The following SDK2 variants were observed in gnomAD, a reference collection of about 807,000 sequenced individuals.
SDK2 encodes the protein protein sidekick-2.
A neutral mutation model predicts 253.9 loss-of-function variants in SDK2; 105 were observed. That is an observed-to-expected ratio of 0.41 (90% confidence interval 0.35 to 0.49). SDK2 has a LOEUF of 0.49. Among genes scored for constraint, SDK2 ranks in the 20% least tolerant of loss-of-function variants. The pLI is 0.06. For missense variants in SDK2, 2,608 were observed against 3,003.0 expected, an observed-to-expected ratio of 0.87 and a Z score of 3.07; for synonymous variants, 1,249 against 1,234.9, an observed-to-expected ratio of 1.01 and a Z score of -0.24.
Position 73,393,617 on chromosome 17 carries a change from G to A in SDK2, c.3841C>T (p.Arg1281Cys), listed in dbSNP as rs370092088. 7.2e-5 allele frequency: 115 copies of A among 1,591,482 alleles called. No individual in the cohort carries two copies. Among genetic ancestry groups the A allele is most frequent in the Non-Finnish European group, 9.4e-5 (109 of 1,163,830 alleles). ...TGGCTGGGGCTGCCGTCCCCGATGCGTGTGAAGGCCAGCACCTGGACTTCA... is the reference window on the plus strand; with the variant it reads ...TGGCTGGGGCTGCCGTCCCCGATGCATGTGAAGGCCAGCACCTGGACTTCA... ...LYEVQVLAFT[R>C]IGDGSPSHPP... Residue 1281 changes from arginine to cysteine, a missense_variant, in exon 27 of 45, where the codon CGC becomes TGC. Arg to Cys is a radical substitution (Grantham distance 180, BLOSUM62 -3). This residue lies in a region of SDK2 where 1,505 missense variants were observed against 1,859.1 expected (regional missense o/e 0.81). Coordinates refer to ENST00000392650, the MANE Select transcript of SDK2 (RefSeq NM_001144952.2).
chr17:73,390,832 C>T (rs1332905220), intron 28 of SDK2, among the ~76,000 whole-genome samples: 1 of 152,218 alleles, frequency 6.6e-6, no homozygotes, highest in Non-Finnish European at 1.5e-5. Context: ...ATGCACTTGT[C>T]CTTCCTGCCC....
At position 73,429,630 on chromosome 17, in the gene SDK2, G is replaced by A. The variant is rs559194761; in HGVS notation, c.1583+881C>T. ...CCATTTCTCCCAGTGCAGGAGCGCC[G>A]GCCCCTTCTAGCCTCGGTGCCAGTT... On this transcript the variant is annotated intron_variant, in intron 12 of 44. Transcript: ENST00000392650. Among the ~76,000 whole-genome samples the A allele has an allele frequency of 1.4e-4, 21 of 152,334 alleles. No homozygotes were observed. The South Asian group carries it at 3.9e-3, about 29-fold the overall frequency.
At position 73,385,919 on chromosome 17, in the gene SDK2, T is replaced by C; in HGVS notation, c.4499-2A>G. On this transcript the variant is annotated splice_acceptor_variant, in intron 31 of 44. Coordinates refer to ENST00000392650, the MANE Select transcript of SDK2 (RefSeq NM_001144952.2). LOFTEE classifies it high-confidence loss of function. ...GGATGGTGGGTGCTTCATCGGGGGC[T>C]GTGGAGAGAAGCAGACAGGTGGGTT... is the stretch of plus-strand genomic sequence containing the variant. 1 of 1,599,572 alleles carries C rather than the reference T, an allele frequency of 6.3e-7. No individual in the cohort carries two copies. The highest frequency in any genetic ancestry group is 8.5e-7 in the Non-Finnish European group (1 of 1,173,568).
At position 73,406,400 on chromosome 17, in the gene SDK2, C is replaced by T. The variant is rs147444646; in HGVS notation, c.2485-4259G>A. Reference sequence around the variant, plus strand: ...CTGGGATTATAGGCACCTGCCATCACGCCCAGCTAATTTTTTTTTTTGTAT... The same window carrying T: ...CTGGGATTATAGGCACCTGCCATCATGCCCAGCTAATTTTTTTTTTTGTAT... On this transcript the variant is annotated intron_variant, in intron 18 of 44. Transcript: ENST00000392650. 3.9e-5 allele frequency among the ~76,000 whole-genome samples: 6 copies of T among 152,140 alleles called. No individual in the cohort carries two copies. In the East Asian group the frequency reaches 5.8e-4, roughly 15 times the overall value.
chr17:73,386,956 T>C (rs909341686), intron 30 of SDK2, among the ~76,000 whole-genome samples: 3 of 152,190 alleles, frequency 2.0e-5, no homozygotes, highest in Admixed American at 6.5e-5. Context: ...TTGTTTGAGA[T>C]GGAGTCTTTT....
intron 1 of SDK2, among the ~76,000 whole-genome samples, chr17:73,558,703 A>G (rs1008061362): frequency 5.9e-5 from 9 of 152,052 alleles, no homozygotes; most frequent in Non-Finnish European, 4.4e-5. Context: ...TGCCTTTCCC[A>G]CCTCACATGG....
chr17:73,386,967 T>G (rs1055102686), intron 30 of SDK2, among the ~76,000 whole-genome samples: 5 of 152,138 alleles, frequency 3.3e-5, no homozygotes, highest in South Asian at 4.1e-4. Context: ...GGAGTCTTTT[T>G]TTGTTGTTGT....
chr17:73,604,938 C>A (rs866008949), intron 1 of SDK2, among the ~76,000 whole-genome samples: 1 of 152,062 alleles, frequency 6.6e-6, no homozygotes, highest in Admixed American at 6.6e-5. Context: ...TGGACCACTG[C>A]GGGAGAGGAA....
chr17:73,595,859 G>A (rs2045750659), intron 1 of SDK2, among the ~76,000 whole-genome samples: 1 of 152,196 alleles, frequency 6.6e-6, no homozygotes, highest in Non-Finnish European at 1.5e-5. Flanking sequence ...GAGCTGGGAG[G>A]ACAGGCTCCA....
intron 44 of SDK2, among the ~76,000 whole-genome samples, chr17:73,346,775 G>A (rs1461881601): frequency 4.6e-5 from 7 of 152,096 alleles, no homozygotes; most frequent in African/African-American, 7.2e-5. Flanking sequence ...ACCAGGTGGC[G>A]TATGCAAAAC....
In SDK2 at chr17:73,397,486, C is replaced by A. The variant is rs1162258043; in HGVS notation, c.3354+549G>T. Reference sequence around the variant, plus strand: ...TCTTCTGCCCCGGTTTCCTCATCTGCAAAAGGGGGACCAGGATCACTCTGC... The same window carrying A: ...TCTTCTGCCCCGGTTTCCTCATCTGAAAAAGGGGGACCAGGATCACTCTGC... On this transcript the variant is annotated intron_variant, in intron 24 of 44. Transcript: ENST00000392650. Among the ~76,000 whole-genome samples, 3 of 152,190 alleles carry A rather than the reference C, an allele frequency of 2.0e-5. No homozygotes were observed. The East Asian group carries it at 5.8e-4, about 29-fold the overall frequency.
intron 2 of SDK2, among the ~76,000 whole-genome samples, chr17:73,495,392 A>C (rs2063834710): frequency 6.6e-6 from 1 of 152,212 alleles, no homozygotes; most frequent in African/African-American, 2.4e-5. Flanking sequence ...GTTATAGGCC[A>C]GGGCTGCCTC....
At position 73,358,184 on chromosome 17, in the gene SDK2, C is replaced by T. The variant is rs146597384; in HGVS notation, c.5488G>A (p.Val1830Met). 53 of 1,606,540 alleles carry T rather than the reference C, an allele frequency of 3.3e-5. No individual in the cohort carries two copies. The highest frequency in any genetic ancestry group is 1.7e-4 in the Middle Eastern group (1 of 5,916). The change falls in exon 40 of 45, where the codon GTG becomes ATG. Residue 1830 changes from valine (V) to methionine (M), a missense_variant. Physicochemically the swap from Val to Met is conservative, Grantham distance 21. This residue lies in a region of SDK2 where 1,103 missense variants were observed against 1,143.9 expected (regional missense o/e 0.96). Coordinates refer to ENST00000392650, the MANE Select transcript of SDK2 (RefSeq NM_001144952.2). ...PGEGAPGPPG[V>M]PIIVRYSSAI... Reference sequence around the variant, plus strand: ...GAGCTGTACCGCACGATGATGGGCACGCCAGGCGGTCCTGGGGCACCTGCA... The same window carrying T: ...GAGCTGTACCGCACGATGATGGGCATGCCAGGCGGTCCTGGGGCACCTGCA...
In SDK2 at chr17:73,609,852, C is replaced by G. The variant is rs148341840; in HGVS notation, c.64+34173G>C. 1.9e-4 allele frequency among the ~76,000 whole-genome samples: 29 copies of G among 152,338 alleles called. No homozygotes were observed. In the East Asian group the frequency reaches 4.6e-3, roughly 24 times the overall value. ...CCCCCAGGGCCCAAGGAGACAGAGTCCCTGCTGGCCATGTCCCTCCCATTC... is the reference window on the plus strand; with the variant it reads ...CCCCCAGGGCCCAAGGAGACAGAGTGCCTGCTGGCCATGTCCCTCCCATTC... On this transcript the variant is annotated intron_variant, in intron 1 of 44. Coordinates refer to ENST00000392650, the MANE Select transcript of SDK2 (RefSeq NM_001144952.2). This position sits in a 1 kb window ranked among gnomAD's most constrained non-coding sequence, Gnocchi z 4.4.
intron 18 of SDK2, among the ~76,000 whole-genome samples, chr17:73,402,927 A>G (rs902224781): frequency 6.6e-6 from 1 of 152,162 alleles, no homozygotes; most frequent in Non-Finnish European, 1.5e-5. Context: ...CCTCCAGAGT[A>G]GATGGGATTA....
At chr17:73,452,679 T>G (rs11867629) in intron 4 of SDK2, among the ~76,000 whole-genome samples, 1 of 152,096 alleles carries the variant, frequency 6.6e-6, no homozygotes, top group Admixed American at 6.5e-5. Flanking sequence ...ACACCCCTCA[T>G]GCAGCCATGG....
intron 38 of SDK2, among the ~76,000 whole-genome samples, chr17:73,364,488 G>T (rs2062667619): frequency 6.6e-6 from 1 of 152,132 alleles, no homozygotes; most frequent in Admixed American, 6.5e-5. Context: ...GCTTTGGTCA[G>T]ATTCTCATCA....
chr17:73,489,169 C>T (rs983142299), intron 2 of SDK2, among the ~76,000 whole-genome samples: 4 of 152,160 alleles, frequency 2.6e-5, no homozygotes, highest in Non-Finnish European at 5.9e-5. Flanking sequence ...TAGGTGAAAA[C>T]GTTACTGCTG....
At chr17:73,390,878 C>T (rs1052053037) in intron 28 of SDK2, among the ~76,000 whole-genome samples, 14 of 152,192 alleles carry the variant, frequency 9.2e-5, no homozygotes, top group African/African-American at 3.4e-4. Flanking sequence ...TGCTCTAGGG[C>T]AGGTGGTGCG....
Sources: gnomAD v4.1 joint callset for allele counts (sites outside exome capture counted in the v4.1 genomes callset) on GRCh38, gnomAD v4.1.1 for gene constraint, gnomAD v4.1.1 regional missense constraint, Gnocchi (gnomAD v3.1) non-coding constraint, MANE v1.5 for transcripts, NCBI Gene and HGNC (gene_info 2026-07-23, HGNC 2026-07-21) for gene names.